The following CENPP variants were observed in gnomAD, a reference collection of about 807,000 sequenced individuals.
CENPP encodes centromere protein P.
CENPP carries 24 observed loss-of-function variants against 35.6 expected under a neutral mutation model. That is an observed-to-expected ratio of 0.67 (90% CI 0.49 to 0.95). The LOEUF is 0.95. CENPP is among the 40% of genes least tolerant of loss of function. The probability of loss-of-function intolerance (pLI) is 0.00; values close to 1 mark genes in which losing one functional copy is unlikely to be tolerated. For missense variants in CENPP, 332 were observed against 345.3 expected (o/e 0.96, Z 0.31); for synonymous variants, 120 against 125.5 (o/e 0.96, Z 0.29).
intron 5 of CENPP, among the ~76,000 whole-genome samples, chr9:92,469,307 CA>C (rs1405477025): frequency 6.6e-6 from 1 of 152,168 alleles, no homozygotes; most frequent in Non-Finnish European, 1.5e-5. Context: ...GTGAAAAGAG[CA>C]GACAAGGTGC....
intron 5 of CENPP, among the ~76,000 whole-genome samples, chr9:92,428,194 GC>G (rs1158742655): frequency 6.6e-6 from 1 of 152,134 alleles, no homozygotes; most frequent in Non-Finnish European, 1.5e-5. Flanking sequence ...ATACTCACAG[GC>G]TTTCTTGGCC....
At chr9:92,472,457 A>C (rs908115085) in intron 5 of CENPP, among the ~76,000 whole-genome samples, 2 of 152,260 alleles carry the variant, frequency 1.3e-5, no homozygotes, top group African/African-American at 2.4e-5. Context: ...CAGGAGATCA[A>C]GACCATCCTG....
intron 5 of CENPP, among the ~76,000 whole-genome samples, chr9:92,519,028 T>TC: frequency 6.6e-6 from 1 of 152,324 alleles, no homozygotes; most frequent in East Asian, 1.9e-4. Flanking sequence ...GGGATGTTTT[T>TC]CTTCCAACCC....
At position 92,556,058 on chromosome 9, in the gene CENPP, C is replaced by T. The variant is rs540990758; in HGVS notation, c.565-55256C>T. On this transcript the variant is annotated intron_variant, in intron 5 of 7. Transcript: ENST00000375587. ...GAACTTTCCTCTTAGCACCACTTTG[C>T]TATATCCCAGAGGTTTGATAGGTTG... is the stretch of plus-strand genomic sequence containing the variant. Among the ~76,000 whole-genome samples, 4 of 152,236 alleles carry T rather than the reference C, an allele frequency of 2.6e-5. No homozygotes were observed. The East Asian group carries it at 7.7e-4, about 29-fold the overall frequency.
intron 5 of CENPP, among the ~76,000 whole-genome samples, chr9:92,503,546 A>G (rs1416117322): frequency 6.6e-6 from 1 of 152,232 alleles, no homozygotes; most frequent in Non-Finnish European, 1.5e-5. Flanking sequence ...AGAACTGTTA[A>G]TAAGTTTTTA....
At chr9:92,347,919 C>CTTGTT (rs916341148) in intron 4 of CENPP, among the ~76,000 whole-genome samples, 21 of 151,942 alleles carry the variant, frequency 1.4e-4, no homozygotes, top group South Asian at 1.0e-3. Flanking sequence ...TAAGACAAAA[C>CTTGTT]TTGTTTTGTT....
chr9:92,378,745 C>G (rs1842179170), intron 4 of CENPP, among the ~76,000 whole-genome samples: 1 of 152,160 alleles, frequency 6.6e-6, no homozygotes, highest in Non-Finnish European at 1.5e-5. Context: ...CATAGATGTA[C>G]TATTAAGAGA....
At chr9:92,404,072 A>C (rs1334694136) in intron 5 of CENPP, among the ~76,000 whole-genome samples, 3 of 152,200 alleles carry the variant, frequency 2.0e-5, no homozygotes, top group Non-Finnish European at 4.4e-5. Context: ...AACTGAAAGA[A>C]TAGTATTGCA....
intron 5 of CENPP, chr9:92,417,037 G>A: frequency 2.5e-6 from 4 of 1,614,056 alleles, no homozygotes; most frequent in Non-Finnish European, 3.4e-6. Context: ...GCAGTTTGGA[G>A]ATTTCATTGT....
chr9:92,442,830 C>T (rs1424499250), intron 5 of CENPP, among the ~76,000 whole-genome samples: 4 of 149,446 alleles, frequency 2.7e-5, no homozygotes, highest in East Asian at 3.9e-4. Flanking sequence ...GCCTAGGTGA[C>T]GGTGCAAGAC....
intron 4 of CENPP, among the ~76,000 whole-genome samples, chr9:92,358,747 C>A (rs1223641896): frequency 1.3e-5 from 2 of 151,790 alleles, no homozygotes; most frequent in African/African-American, 2.4e-5. Context: ...TTTTAGGTTT[C>A]TTTCTTTGTA....
chr9:92,480,215 GTC>G (rs922036266), intron 5 of CENPP, among the ~76,000 whole-genome samples: 4 of 152,178 alleles, frequency 2.6e-5, no homozygotes, highest in African/African-American at 9.7e-5. Context: ...TTGGTTTCAA[GTC>G]TCTCTTAATC....
chr9:92,453,299 G>A (rs1844770674), intron 5 of CENPP, among the ~76,000 whole-genome samples: 2 of 152,108 alleles, frequency 1.3e-5, no homozygotes, highest in South Asian at 4.1e-4. Flanking sequence ...GGTATGTTGT[G>A]TCTTTGTTCT....
chr9:92,615,858 A>G lies in CENPP; in HGVS notation c.*2709A>G. The G allele has an allele frequency of 6.2e-7, 1 of 1,614,016 alleles. No homozygotes were observed. The highest frequency in any genetic ancestry group is 8.5e-7 in the Non-Finnish European group (1 of 1,179,844). ...TAGACCTTGTGGAGAACTAATGTGC[A>G]ATCTTCGCTTTCCTTGAACCGAGTC... On this transcript the variant is annotated 3_prime_UTR_variant, in exon 8 of 8. Transcript: ENST00000375587.
intron 5 of CENPP, chr9:92,610,958 G>A: frequency 3.2e-6 from 1 of 310,626 alleles, no homozygotes; most frequent in Non-Finnish European, 6.0e-6. Context: ...GGAATCCTCT[G>A]ACCAGTCCTC....
chr9:92,347,194 A>G (rs1841316803), intron 4 of CENPP, among the ~76,000 whole-genome samples: 1 of 152,210 alleles, frequency 6.6e-6, no homozygotes, highest in African/African-American at 2.4e-5. Context: ...AAGGAATTAG[A>G]AAAGGAACTG....
At chr9:92,338,612 A>ATT (rs202018230) in intron 3 of CENPP, among the ~76,000 whole-genome samples, 1 of 149,662 alleles carries the variant, frequency 6.7e-6, no homozygotes, top group Non-Finnish European at 1.5e-5. Context: ...GCATCTGTAG[A>ATT]TTTTTTTTTT....
At position 92,393,104 on chromosome 9, in the gene CENPP, T is replaced by C. The variant is rs758892446; in HGVS notation, c.564+13245T>C. On this transcript the variant is annotated intron_variant, in intron 5 of 7. Coordinates refer to ENST00000375587, the MANE Select transcript of CENPP (RefSeq NM_001012267.3). ...AACTTACGTATGTCTGCAAAATCTT[T>C]GGCAGTCAGCTTTTTAATTTTGTTG... 14 of 1,613,570 alleles carry C rather than the reference T, an allele frequency of 8.7e-6. No individual in the cohort carries two copies. The highest frequency in any genetic ancestry group is 1.3e-5 in the African/African-American group (1 of 74,930).
At chr9:92,449,968 T>A (rs1844660144) in intron 5 of CENPP, among the ~76,000 whole-genome samples, 1 of 152,170 alleles carries the variant, frequency 6.6e-6, no homozygotes, top group Admixed American at 6.5e-5. Context: ...TATTGTTTAA[T>A]GTTATTTGTA....
Sources: gnomAD v4.1 joint callset for allele counts (sites outside exome capture counted in the v4.1 genomes callset) on GRCh38, gnomAD v4.1.1 for gene constraint, MANE v1.5 for transcripts, NCBI Gene and HGNC (gene_info 2026-07-23, HGNC 2026-07-21) for gene names.